KLHDC10: variants seen among roughly 807,000 people sequenced by gnomAD.
KLHDC10 encodes the protein kelch domain-containing protein 10.
Under a neutral mutation model 56.1 loss-of-function variants are expected in KLHDC10, and 24 were observed. The ratio of observed to expected loss-of-function variants is 0.43; its 90% CI spans 0.31 to 0.60. The LOEUF is 0.60. KLHDC10 is among the 20% of genes least tolerant of loss of function. The probability of loss-of-function intolerance (pLI) is 0.11; values close to 1 mark genes in which losing one functional copy is unlikely to be tolerated. For missense variants in KLHDC10, 349 were observed against 567.0 expected (o/e 0.62, Z 3.91); for synonymous variants, 188 against 207.1 (o/e 0.91, Z 0.79).
chr7:130,128,889 A>AAAAAATATATATATATAT, intron 8 of KLHDC10, among the ~76,000 whole-genome samples: 3 of 66,950 alleles, frequency 4.5e-5, no homozygotes, highest in African/African-American at 1.5e-4. Context: ...AAAAAAAAAA[A>AAAAAATATATATATATAT]ATATATATAT....
chr7:130,093,547 C>T (rs1186247877), intron 1 of KLHDC10, among the ~76,000 whole-genome samples: 2 of 151,858 alleles, frequency 1.3e-5, no homozygotes, highest in Admixed American at 1.3e-4. Context: ...TTTGAAGAGT[C>T]GAAGCTATCA....
intron 3 of KLHDC10, among the ~76,000 whole-genome samples, chr7:130,118,203 A>G (rs1311195393): frequency 6.6e-6 from 1 of 152,112 alleles, no homozygotes; most frequent in African/African-American, 2.4e-5. Flanking sequence ...AAAAATTAAA[A>G]ATCTGTTGTT....
intron 2 of KLHDC10, among the ~76,000 whole-genome samples, chr7:130,103,036 A>T (rs1346172338): frequency 6.6e-6 from 1 of 152,208 alleles, no homozygotes; most frequent in Non-Finnish European, 1.5e-5. Flanking sequence ...TACATGAGGA[A>T]AATTCATCCT....
At chr7:130,092,801 A>C (rs1375581787) in intron 1 of KLHDC10, among the ~76,000 whole-genome samples, 2 of 152,002 alleles carry the variant, frequency 1.3e-5, no homozygotes, top group African/African-American at 4.8e-5. Flanking sequence ...TAAATGTTTA[A>C]AATGGTTTCA....
In KLHDC10 at chr7:130,124,321, T is replaced by C. The variant is rs577931889; in HGVS notation, c.780-130T>C. 2.3e-5 allele frequency: 14 copies of C among 601,794 alleles called. No homozygotes were observed. In the African/African-American group the frequency reaches 2.4e-4, roughly 10 times the overall value. The allele number at this position is 601,794 out of a possible 1,614,324, so 37.3% of individuals were successfully genotyped here. ...TGTAAGTCATATAACCAATTCACTA[T>C]TGTTAAACGCCTAGGTTATTTCCAA... On this transcript the variant is annotated intron_variant, in intron 5 of 9. Coordinates refer to ENST00000335420, the MANE Select transcript of KLHDC10 (RefSeq NM_014997.4).
intron 2 of KLHDC10, among the ~76,000 whole-genome samples, chr7:130,104,099 T>G (rs1161621314): frequency 1.3e-5 from 2 of 151,938 alleles, no homozygotes; most frequent in Non-Finnish European, 2.9e-5. Context: ...AAAAAAAAAT[T>G]ATAAGAAAAA....
At chr7:130,101,192 A>G (rs572043042) in intron 2 of KLHDC10, among the ~76,000 whole-genome samples, 1 of 152,300 alleles carries the variant, frequency 6.6e-6, no homozygotes, top group African/African-American at 2.4e-5. Flanking sequence ...GTGAAGATCA[A>G]GAGAGACAGT....
intron 1 of KLHDC10, among the ~76,000 whole-genome samples, chr7:130,076,361 C>A (rs1584616098): frequency 6.6e-6 from 1 of 152,076 alleles, no homozygotes; most frequent in Non-Finnish European, 1.5e-5. Flanking sequence ...GAAATCAGTT[C>A]TTAGCCATTG....
chr7:130,077,252 G>A (rs1476139220), intron 1 of KLHDC10, among the ~76,000 whole-genome samples: 1 of 148,806 alleles, frequency 6.7e-6, no homozygotes, highest in Non-Finnish European at 1.5e-5. Context: ...CTACTCGGGA[G>A]GCTGAGGCAG....
intron 1 of KLHDC10, among the ~76,000 whole-genome samples, chr7:130,080,669 T>C (rs1795590743): frequency 6.6e-6 from 1 of 152,066 alleles, no homozygotes; most frequent in South Asian, 2.1e-4. Flanking sequence ...AGTGCTGGGA[T>C]TATAGGTGTG....
intron 2 of KLHDC10, among the ~76,000 whole-genome samples, chr7:130,114,017 G>A (rs139084673): frequency 3.9e-5 from 6 of 152,302 alleles, no homozygotes; most frequent in Non-Finnish European, 8.8e-5. Flanking sequence ...CTTAAACCAT[G>A]TATCTGTTAG....
Position 130,130,409 on chromosome 7 carries a change from A to AT in KLHDC10, c.1120-126dup, listed in dbSNP as rs1796384608. 8 of 691,774 alleles carry AT rather than the reference A, an allele frequency of 1.2e-5. 1 individual carries two copies. The highest frequency in any genetic ancestry group is 4.0e-4 in the Middle Eastern group (1 of 2,526). 42.9% of individuals were successfully genotyped at this position (691,774 alleles called of 1,614,324 possible). On this transcript the variant is annotated intron_variant, in intron 9 of 9. Coordinates refer to ENST00000335420, the MANE Select transcript of KLHDC10 (RefSeq NM_014997.4). This position sits in a 1 kb window ranked among gnomAD's most constrained non-coding sequence, Gnocchi z 4.2. ...TAAACCCTCTTGATCTCCACATGGT[A>AT]TTGGGATCAGTGAGGAATTCTTGTT...
chr7:130,095,368 G>A (rs1795834330), intron 1 of KLHDC10, among the ~76,000 whole-genome samples: 1 of 151,874 alleles, frequency 6.6e-6, no homozygotes, highest in African/African-American at 2.4e-5. Flanking sequence ...CAACAAAAAG[G>A]TTCTAATCTC....
intron 1 of KLHDC10, among the ~76,000 whole-genome samples, chr7:130,074,305 C>T (rs776388721): frequency 1.3e-5 from 2 of 152,136 alleles, no homozygotes; most frequent in Non-Finnish European, 2.9e-5. Context: ...ACATGGAAGC[C>T]TTCCGTGACT....
rs1477531573 is a variant in KLHDC10 at position 130,130,928 on chromosome 7, G to A, written c.*182G>A. 9 of 587,808 alleles carry A rather than the reference G, an allele frequency of 1.5e-5. No homozygotes were observed. Among genetic ancestry groups the A allele is most frequent in the Admixed American group, 6.0e-5 (2 of 33,588 alleles). 36.4% of individuals were successfully genotyped at this position (587,808 alleles called of 1,614,324 possible). ...GTTTATGGACATCTCACTTTCCCACGTGCTTCCTTCTTTGCTTCTGTTCCT... is the reference window on the plus strand; with the variant it reads ...GTTTATGGACATCTCACTTTCCCACATGCTTCCTTCTTTGCTTCTGTTCCT... On this transcript the variant is annotated 3_prime_UTR_variant, in exon 10 of 10. Coordinates refer to ENST00000335420, the MANE Select transcript of KLHDC10 (RefSeq NM_014997.4). This position sits in a 1 kb window ranked among gnomAD's most constrained non-coding sequence, Gnocchi z 4.2.
At chr7:130,076,593 AT>A (rs890582415) in intron 1 of KLHDC10, among the ~76,000 whole-genome samples, 3 of 152,114 alleles carry the variant, frequency 2.0e-5, no homozygotes, top group African/African-American at 7.2e-5. Context: ...CTGTAATTTT[AT>A]TTTTAAGTTA....
At chr7:130,089,956 A>G (rs1795748178) in intron 1 of KLHDC10, among the ~76,000 whole-genome samples, 2 of 151,416 alleles carry the variant, frequency 1.3e-5, no homozygotes, top group South Asian at 4.2e-4. Context: ...ATCTTGGCTC[A>G]CCGCAACCTC....
At chr7:130,073,679 A>G (rs1795455965) in intron 1 of KLHDC10, among the ~76,000 whole-genome samples, 1 of 151,946 alleles carries the variant, frequency 6.6e-6, no homozygotes, top group Non-Finnish European at 1.5e-5. Flanking sequence ...TTTACATCTC[A>G]ACCCTCCATC....
At chr7:130,087,569 T>TTC (rs1249054507) in intron 1 of KLHDC10, among the ~76,000 whole-genome samples, 3 of 152,154 alleles carry the variant, frequency 2.0e-5, no homozygotes, top group African/African-American at 7.2e-5. Flanking sequence ...ATGGTGTTTT[T>TTC]TCTTTTGAGT....
Sources: allele counts gnomAD v4.1 joint callset (sites outside exome capture counted in the v4.1 genomes callset), GRCh38; gene constraint gnomAD v4.1.1; non-coding constraint Gnocchi (gnomAD v3.1); transcripts MANE v1.5; gene names NCBI Gene and HGNC (gene_info 2026-07-23, HGNC 2026-07-21).